The following ERMP1 variants were observed in gnomAD, a reference collection of about 807,000 sequenced individuals.
ERMP1 encodes Felix-ina.
ERMP1 carries 86 observed loss-of-function variants against 92.0 expected under a neutral mutation model. The observed-to-expected ratio is 0.93, with a 90% CI of 0.79 to 1.12. The LOEUF (loss-of-function observed/expected upper bound fraction) is 1.12, where lower values mean the gene tolerates loss of function less well. Among genes scored for constraint, ERMP1 ranks in the 50% most tolerant of loss-of-function variants. ERMP1 has a pLI of 0.00. For missense variants in ERMP1, 1,342 were observed against 1,116.3 expected (o/e 1.20, Z -2.88); for synonymous variants, 530 against 412.8 (o/e 1.28, Z -3.44).
At chr9:5,828,555 G>C (rs997621481) in intron 2 of ERMP1, among the ~76,000 whole-genome samples, 1 of 152,126 alleles carries the variant, frequency 6.6e-6, no homozygotes, top group Non-Finnish European at 1.5e-5. Flanking sequence ...CACCCCTCGA[G>C]ACTCAAGGTC....
At chr9:5,840,833 C>A (rs1830154566) in intron 6 of ERMP1, among the ~76,000 whole-genome samples, 1 of 152,236 alleles carries the variant, frequency 6.6e-6, no homozygotes, top group Admixed American at 6.5e-5. Context: ...TTAAAACCTT[C>A]ATTTGCATGG....
At chr9:5,798,079 T>C (rs1387447755) in intron 12 of ERMP1, 147 bp from the exon 13 acceptor site, 3 of 643,042 alleles carry the variant, frequency 4.7e-6, no homozygotes, top group African/African-American at 3.7e-5. Context: ...TCCAACAAAT[T>C]TAGGTTATTT....
At chr9:5,806,812 G>A (rs897484946) in intron 8 of ERMP1, among the ~76,000 whole-genome samples, 1 of 152,012 alleles carries the variant, frequency 6.6e-6, no homozygotes, top group East Asian at 1.9e-4. Flanking sequence ...TTTTAATTAC[G>A]GTGCATAAAT....
At chr9:5,843,253 T>G (rs567430714) in intron 6 of ERMP1, among the ~76,000 whole-genome samples, 1 of 152,228 alleles carries the variant, frequency 6.6e-6, no homozygotes, top group Non-Finnish European at 1.5e-5. Context: ...TCTGCGGAAT[T>G]TGGGGCTCAG....
chr9:5,813,883 TTTATATAATTATAA>T (rs1304875153), intron 4 of ERMP1, among the ~76,000 whole-genome samples: 1 of 148,268 alleles, frequency 6.7e-6, no homozygotes, highest in African/African-American at 2.5e-5. Context: ...TATACGTATA[TTTATATAATTATAA>T]TTATATAATT....
At position 5,855,370 on chromosome 9, in the gene ERMP1, C is replaced by A. The variant is rs142968965; in HGVS notation, n.3199+4098G>T. The stretch of plus-strand genomic sequence containing the variant: ...ACCAGGAGGGCACATACCAGAGAAT[C>A]TGGGAGAAAGCCTGGGCTAGAGCCC... On this transcript the variant is annotated intron_variant and non_coding_transcript_variant, in intron 6 of 6. Transcript: ENST00000690753. 7.9e-5 allele frequency among the ~76,000 whole-genome samples: 12 copies of A among 152,296 alleles called. No homozygotes were observed. In the East Asian group the frequency reaches 1.7e-3, roughly 22 times the overall value.
rs948164910 is a variant in ERMP1 at position 5,825,130 on chromosome 9, T to C, written c.730A>G (p.Ile244Val). 1.9e-6 allele frequency: 3 copies of C among 1,613,986 alleles called. No individual in the cohort carries two copies. The highest frequency in any genetic ancestry group is 2.5e-6 in the Non-Finnish European group (3 of 1,179,954). Reference sequence around the variant, plus strand: ...TCCTCAGCACCATTAAAGAGAAATATGACAGCATGATGCAAGGCTTCTGAA... The same window carrying C: ...TCCTCAGCACCATTAAAGAGAAATACGACAGCATGATGCAAGGCTTCTGAA... The part of the protein sequence containing the change: ...TSSEALHHAV[I>V]FLFNGAEENV... The change falls in exon 3 of 15, where the codon ATA becomes GTA. Residue 244 changes from isoleucine to valine, a missense_variant. Coordinates refer to ENST00000339450, the MANE Select transcript of ERMP1 (RefSeq NM_024896.3).
At chr9:5,851,817 A>C (rs527315591) in intron 6 of ERMP1, among the ~76,000 whole-genome samples, 1 of 152,350 alleles carries the variant, frequency 6.6e-6, no homozygotes, top group Admixed American at 6.5e-5. Flanking sequence ...AGAAAACACT[A>C]TAATACTAAA....
At chr9:5,818,468 C>T (rs1829405332) in intron 4 of ERMP1, among the ~76,000 whole-genome samples, 1 of 152,156 alleles carries the variant, frequency 6.6e-6, no homozygotes, top group Non-Finnish European at 1.5e-5. Flanking sequence ...TTAATCCCAG[C>T]ACTTTGGGAG....
upstream of ERMP1, among the ~76,000 whole-genome samples, chr9:5,835,659 G>A (rs1830087855): frequency 1.3e-5 from 2 of 152,162 alleles, no homozygotes. Flanking sequence ...GGTGACAGAG[G>A]TGGGTAGGAG....
At chr9:5,854,313 T>C (rs1025497248) in intron 6 of ERMP1, among the ~76,000 whole-genome samples, 4 of 152,136 alleles carry the variant, frequency 2.6e-5, no homozygotes, top group African/African-American at 7.2e-5. Flanking sequence ...GATTTTGCTT[T>C]CTCATCATCA....
rs2131225866 is a variant in ERMP1, at chr9:5,805,054, G to A, written c.1887C>T (p.Gly629=). 1 of 1,611,916 alleles carries A rather than the reference G, an allele frequency of 6.2e-7. No homozygotes were observed. ...AATAGGACGAGAGAATCATTGTACA[G>A]CCAGCCAAAATGGATGCCAGCACAA... ...PDVVLASILA[G]CTMILSSYFI... Residue 629 remains glycine, a synonymous_variant, in exon 10 of 15, where the codon GGC becomes GGT. Coordinates refer to ENST00000339450, the MANE Select transcript of ERMP1 (RefSeq NM_024896.3).
intron 13 of ERMP1, among the ~76,000 whole-genome samples, chr9:5,792,800 A>G (rs773510785): frequency 6.6e-6 from 1 of 152,212 alleles, no homozygotes; most frequent in Non-Finnish European, 1.5e-5. Context: ...TGCAAGCTCC[A>G]TAGCAACCAC....
chr9:5,841,314 T>C (rs1172338601), intron 6 of ERMP1, among the ~76,000 whole-genome samples: 1 of 152,228 alleles, frequency 6.6e-6, no homozygotes, highest in Non-Finnish European at 1.5e-5. Context: ...GGATGAGCCT[T>C]GAAAACATTG....
chr9:5,854,956 C>T (rs567044302), intron 6 of ERMP1, among the ~76,000 whole-genome samples: 30 of 152,112 alleles, frequency 2.0e-4, no homozygotes, highest in Non-Finnish European at 3.2e-4. Flanking sequence ...TGAATCTTTT[C>T]GCAGTAACAG....
intron 4 of ERMP1, among the ~76,000 whole-genome samples, chr9:5,815,263 A>C (rs1215714232): frequency 6.6e-6 from 1 of 152,128 alleles, no homozygotes; most frequent in African/African-American, 2.4e-5. Flanking sequence ...AAAGAAACCA[A>C]GCCTCCTTAG....
At chr9:5,815,720 G>T (rs1006489039) in intron 4 of ERMP1, among the ~76,000 whole-genome samples, 7 of 152,022 alleles carry the variant, frequency 4.6e-5, no homozygotes, top group Non-Finnish European at 8.8e-5. Flanking sequence ...GGGGAAATCA[G>T]TAACTTGTAC....
intron 6 of ERMP1, among the ~76,000 whole-genome samples, chr9:5,840,597 A>G (rs1276205880): frequency 6.6e-6 from 1 of 152,246 alleles, no homozygotes; most frequent in Non-Finnish European, 1.5e-5. Flanking sequence ...TAGGGATGCA[A>G]GAGGCAGTAC....
intron 8 of ERMP1, among the ~76,000 whole-genome samples, chr9:5,809,583 G>C (rs1829010390): frequency 6.6e-6 from 1 of 152,228 alleles, no homozygotes; most frequent in African/African-American, 2.4e-5. Flanking sequence ...CTTGCTGTGT[G>C]TTAATGCTGT....
Sources: gnomAD v4.1 joint callset for allele counts (sites outside exome capture counted in the v4.1 genomes callset) on GRCh38, gnomAD v4.1.1 for gene constraint, MANE v1.5 for transcripts, NCBI Gene and HGNC (gene_info 2026-07-23, HGNC 2026-07-21) for gene names.